BANP: variants seen among roughly 807,000 people sequenced by gnomAD.
BANP encodes the protein BTG3 associated nuclear protein, also known as protein BANP.
Under a neutral mutation model 68.1 loss-of-function variants are expected in BANP, and 11 were observed. The observed-to-expected ratio is 0.16, with a 90% confidence interval of 0.10 to 0.27. The LOEUF is 0.27. BANP is among the 10% of genes least tolerant of loss of function. The probability of loss-of-function intolerance (pLI) is 1.00; values close to 1 mark genes in which losing one functional copy is unlikely to be tolerated. For synonymous variants in BANP, 329 were observed against 303.2 expected, an observed-to-expected ratio of 1.09 and a Z score of -0.88; for missense variants, 504 against 722.7, an observed-to-expected ratio of 0.70 and a Z score of 3.47.
At chr16:88,045,293 G>A (rs559240491) in intron 11 of BANP, among the ~76,000 whole-genome samples, 51 of 152,360 alleles carry the variant, frequency 3.3e-4, no homozygotes, top group Non-Finnish European at 6.3e-4. Flanking sequence ...GGCATGGGAC[G>A]GAAGATGGCT....
intron 1 of BANP, among the ~76,000 whole-genome samples, chr16:87,956,303 A>G (rs1240587543): frequency 6.6e-6 from 1 of 152,224 alleles, no homozygotes; most frequent in Non-Finnish European, 1.5e-5. Flanking sequence ...GGGAAAGTCA[A>G]TTTGAGGGTT....
At chr16:87,981,825 A>G (rs1365102356) in intron 3 of BANP, among the ~76,000 whole-genome samples, 1 of 152,204 alleles carries the variant, frequency 6.6e-6, no homozygotes, top group Non-Finnish European at 1.5e-5. Context: ...AGTTTACTAG[A>G]TGGGGTTCTT....
rs1474011625 is a variant in BANP, at chr16:87,984,076, T to G, written c.179T>G (p.Ile60Ser). 1.9e-6 allele frequency: 3 copies of G among 1,613,892 alleles called. No homozygotes were observed. The highest frequency in any genetic ancestry group is 2.2e-5 in the East Asian group (1 of 44,894). Residue 60 changes from isoleucine to serine, a missense_variant, in exon 4 of 14, where the codon ATC becomes AGC. Ile to Ser is a moderately radical substitution (Grantham distance 142, BLOSUM62 -2). Transcript: ENST00000682872. ...DPSIKSFLYSINQTICLRLDS... is the reference protein window; with the variant it reads ...DPSIKSFLYSSNQTICLRLDS... Reference sequence around the variant, plus strand: ...CACTTCCAGTCATTCCTGTATTCCATCAACCAGACAATCTGCTTGCGGTTG... The same window carrying G: ...CACTTCCAGTCATTCCTGTATTCCAGCAACCAGACAATCTGCTTGCGGTTG...
chr16:87,990,220 C>T (rs1412217388), intron 4 of BANP, among the ~76,000 whole-genome samples: 3 of 152,122 alleles, frequency 2.0e-5, no homozygotes, highest in Non-Finnish European at 2.9e-5. Context: ...TCTTTAAGAA[C>T]ATTAAACAAT....
At chr16:88,015,078 TCCTCTGCCTGTCCCCTCTGCCCGTC>T (rs1361901758) in intron 6 of BANP, among the ~76,000 whole-genome samples, 4 of 133,468 alleles carry the variant, frequency 3.0e-5, no homozygotes, top group African/African-American at 8.7e-5. Flanking sequence ...TCTGCTCGTC[TCCTCTGCCTGTCCCCTCTGCCCGTC>T]CCTCTGCCTG....
chr16:87,961,463 G>C (rs976817088), intron 1 of BANP, among the ~76,000 whole-genome samples: 5 of 141,686 alleles, frequency 3.5e-5, no homozygotes, highest in Non-Finnish European at 6.1e-5. Flanking sequence ...ACTTCCCCTG[G>C]TGAGGCTGCC....
At chr16:87,983,926 C>G (rs2063786703) in intron 3 of BANP, 134 bp from the exon 4 acceptor site, 1 of 1,366,276 alleles carries the variant, frequency 7.3e-7, no homozygotes, top group Non-Finnish European at 9.8e-7. Flanking sequence ...AGCTCACGGG[C>G]TATTTCCAGT....
chr16:87,966,043 A>T (rs1176380083), intron 1 of BANP, among the ~76,000 whole-genome samples: 4 of 152,212 alleles, frequency 2.6e-5, no homozygotes, highest in Admixed American at 2.0e-4. Context: ...TTTAGGAAGC[A>T]GAATTGGGAT....
intron 8 of BANP, among the ~76,000 whole-genome samples, chr16:88,029,636 G>A (rs1269739983): frequency 1.3e-5 from 2 of 151,074 alleles, no homozygotes; most frequent in African/African-American, 4.9e-5. Flanking sequence ...AAGTCAAGGA[G>A]AGGAGGTTTC....
Position 88,057,143 on chromosome 16 carries a change from G to A in BANP, c.1312-8124G>A, listed in dbSNP as rs910865611. 6.6e-6 allele frequency among the ~76,000 whole-genome samples: 1 copy of A among 152,192 alleles called. No homozygotes were observed. The highest frequency in any genetic ancestry group is 6.5e-5 in the Admixed American group (1 of 15,276). On this transcript the variant is annotated intron_variant, in intron 11 of 13. Transcript: ENST00000682872. This position sits in a 1 kb window ranked among gnomAD's most constrained non-coding sequence, Gnocchi z 4.6. Reference sequence around the variant, plus strand: ...ACTTTTCTGTTGCCGTTGTTGAGCTGTGTCTGCCTTTTCTGGTGGGCGGGC... The same window carrying A: ...ACTTTTCTGTTGCCGTTGTTGAGCTATGTCTGCCTTTTCTGGTGGGCGGGC...
chr16:88,031,417 G>A (rs986448691), intron 8 of BANP, among the ~76,000 whole-genome samples: 5 of 152,160 alleles, frequency 3.3e-5, no homozygotes, highest in African/African-American at 1.2e-4. Flanking sequence ...GCTGAGGCAG[G>A]CGGATCATTT....
intron 12 of BANP, among the ~76,000 whole-genome samples, chr16:88,066,017 T>C (rs1282243875): frequency 1.3e-5 from 2 of 152,142 alleles, no homozygotes; most frequent in Non-Finnish European, 2.9e-5. Context: ...CGCCTGTGGC[T>C]TTTACGAGCC....
chr16:88,050,992 G>C (rs1224796776), intron 11 of BANP, among the ~76,000 whole-genome samples: 2 of 152,208 alleles, frequency 1.3e-5, no homozygotes, highest in South Asian at 4.1e-4. Flanking sequence ...CAGCCTGCTT[G>C]TTTCTCATCT....
At chr16:87,953,912 C>G (rs1176064767) in intron 1 of BANP, among the ~76,000 whole-genome samples, 1 of 152,204 alleles carries the variant, frequency 6.6e-6, no homozygotes, top group Non-Finnish European at 1.5e-5. Context: ...CTGGCAAGTG[C>G]TCTTCCTCCT....
intron 4 of BANP, among the ~76,000 whole-genome samples, chr16:87,996,506 CGGCTGGGCTCT>C (rs2067270667): frequency 1.3e-5 from 1 of 76,632 alleles, no homozygotes; most frequent in Admixed American, 1.4e-4. Context: ...TCCTGGGCGC[CGGCTGGGCTCT>C]GGTTCTGAGT....
At chr16:88,017,011 G>A (rs2074731930) in intron 6 of BANP, among the ~76,000 whole-genome samples, 1 of 152,238 alleles carries the variant, frequency 6.6e-6, no homozygotes, top group Admixed American at 6.5e-5. Flanking sequence ...TATATTTCAG[G>A]GAATGGGAGA....
In BANP at chr16:88,071,098, GC is replaced by G. The variant is rs1416834690; in HGVS notation, c.1378-970del. 2.2e-5 allele frequency: 6 copies of G among 269,262 alleles called. No homozygotes were observed. The highest frequency in any genetic ancestry group is 4.4e-5 in the Non-Finnish European group (6 of 137,504). 16.7% of individuals were successfully genotyped at this position (269,262 alleles called of 1,614,324 possible). A position where few individuals can be genotyped will look rare whatever the true frequency, so the allele number is the denominator to read the frequency against. ...GGGCAGGTCCCACGGAGGGGATGCT[GC>G]GGCCAGGCTCCGTGGGGTGGGGCAC... On this transcript the variant is annotated intron_variant, in intron 12 of 13. Transcript: ENST00000682872. The surrounding 1 kb of genome is among the most constrained non-coding windows in gnomAD (Gnocchi z 6.5).
chr16:88,050,250 G>A (rs1025077060), intron 11 of BANP, among the ~76,000 whole-genome samples: 8 of 152,110 alleles, frequency 5.3e-5, no homozygotes, highest in Non-Finnish European at 1.0e-4. Context: ...TCTGCCTCCC[G>A]GGCTCAGGCA....
At chr16:88,076,151 T>G (rs1336220154) in intron 13 of BANP, among the ~76,000 whole-genome samples, 1 of 152,252 alleles carries the variant, frequency 6.6e-6, no homozygotes. Flanking sequence ...GAATCATAGC[T>G]GCCCCGAAAA....
Sources: allele counts gnomAD v4.1 joint callset (sites outside exome capture counted in the v4.1 genomes callset), GRCh38; gene constraint gnomAD v4.1.1; non-coding constraint Gnocchi (gnomAD v3.1); transcripts MANE v1.5; gene names NCBI Gene and HGNC (gene_info 2026-07-23, HGNC 2026-07-21).